The following WDFY3 variants were observed in gnomAD, a reference collection of about 807,000 sequenced individuals.
WDFY3 encodes the protein WD repeat and FYVE domain containing 3, also known as WD repeat and FYVE domain-containing protein 3.
Under a neutral mutation model 409.6 loss-of-function variants are expected in WDFY3, and 66 were observed. The ratio of observed to expected loss-of-function variants is 0.16; its 90% confidence interval spans 0.13 to 0.20. The LOEUF (loss-of-function observed/expected upper bound fraction) is 0.20. WDFY3 is among the 10% of genes least tolerant of loss of function. The pLI is 1.00. For synonymous variants in WDFY3, 1,521 were observed against 1,537.1 expected, an observed-to-expected ratio of 0.99 and a Z score of 0.25; for missense variants, 3,031 against 4,298.1, an observed-to-expected ratio of 0.71 and a Z score of 8.24.
chr4:84,910,833 G>C (rs1767666309), intron 2 of WDFY3, among the ~76,000 whole-genome samples: 1 of 151,846 alleles, frequency 6.6e-6, no homozygotes, highest in African/African-American at 2.4e-5. Context: ...AGCCTCCCAA[G>C]TAGCTGGGAT....
chr4:84,778,683 T>C, intron 26 of WDFY3, 28 bp from the exon 27 acceptor site: 1 of 1,593,396 alleles, frequency 6.3e-7, no homozygotes, highest in African/African-American at 1.3e-5. Context: ...CAAATGCCTG[T>C]TGATAAATCA....
At chr4:84,938,686 A>G (rs940755169) in intron 1 of WDFY3, among the ~76,000 whole-genome samples, 8 of 152,204 alleles carry the variant, frequency 5.3e-5, no homozygotes, top group African/African-American at 1.9e-4. Context: ...TTCCAAACTT[A>G]CAGAAAAGTT....
chr4:84,818,319 T>G (rs552222191), intron 12 of WDFY3, among the ~76,000 whole-genome samples: 1 of 152,254 alleles, frequency 6.6e-6, no homozygotes, highest in Admixed American at 6.5e-5. Flanking sequence ...ATGGGCCCAG[T>G]GACTGAAATC....
At chr4:84,908,777 T>A (rs1767378502) in intron 2 of WDFY3, among the ~76,000 whole-genome samples, 2 of 152,172 alleles carry the variant, frequency 1.3e-5, no homozygotes, top group African/African-American at 2.4e-5. Context: ...CAACACATTG[T>A]CCTTATCTAG....
chr4:84,939,356 G>C (rs77628927), intron 1 of WDFY3, among the ~76,000 whole-genome samples: 1 of 152,102 alleles, frequency 6.6e-6, no homozygotes, highest in African/African-American at 2.4e-5. Flanking sequence ...TTGTTGGATC[G>C]CACCAATGCA....
intron 10 of WDFY3, among the ~76,000 whole-genome samples, chr4:84,822,284 T>C (rs1754186510): frequency 1.3e-5 from 2 of 152,106 alleles, no homozygotes; most frequent in Non-Finnish European, 2.9e-5. Context: ...CCCAGAACAA[T>C]ACCTATTAGG....
chr4:84,863,186 G>C (rs1358862254), intron 3 of WDFY3, among the ~76,000 whole-genome samples: 1 of 152,204 alleles, frequency 6.6e-6, no homozygotes, highest in African/African-American at 2.4e-5. Context: ...ACAAACATGG[G>C]AGTGCAGGCA....
intron 56 of WDFY3, 30 bp from the exon 57 acceptor site, chr4:84,696,853 A>G (rs1172574274): frequency 6.3e-7 from 1 of 1,578,098 alleles, no homozygotes; most frequent in Admixed American, 1.7e-5. Flanking sequence ...AAAAATAAAA[A>G]AAAAGAAAGA....
Position 84,794,839 on chromosome 4 carries a change from T to C in WDFY3, c.3268+40A>G, listed in dbSNP as rs760709301. 1.8e-5 allele frequency: 27 copies of C among 1,536,112 alleles called. 1 individual carries two copies. In the South Asian group the frequency reaches 3.3e-4, roughly 19 times the overall value. ...AAACTCTAAATTATATATAATCTAC[T>C]AGAAAAAAAACTCATAAGCAGAAAG... On this transcript the variant is annotated intron_variant, in intron 20 of 67. Transcript: ENST00000295888.
chr4:84,673,139 G>A, intron 67 of WDFY3, 148 bp from the exon 68 acceptor site: 1 of 1,005,056 alleles, frequency 9.9e-7, no homozygotes, highest in Non-Finnish European at 1.4e-6. Flanking sequence ...GGACTAAAAG[G>A]AAAGCTGTAT....
intron 6 of WDFY3, among the ~76,000 whole-genome samples, chr4:84,837,644 A>G (rs961621825): frequency 4.6e-5 from 7 of 152,184 alleles, no homozygotes; most frequent in African/African-American, 1.7e-4. Flanking sequence ...ATACATCTCT[A>G]TATTATTTTC....
intron 13 of WDFY3, among the ~76,000 whole-genome samples, chr4:84,810,846 T>C (rs1227278212): frequency 2.0e-5 from 3 of 152,218 alleles, no homozygotes; most frequent in East Asian, 3.9e-4. Flanking sequence ...GAAGACTTAT[T>C]AAACATTCTC....
chr4:84,936,888 T>C lies in WDFY3; in HGVS notation c.-225-4525A>G, dbSNP rs540220154. ...AACCCCTCTACTTTGCTACTAGATGTTACATGCCTAGAACACCAATGTCAT... is the reference window on the plus strand; with the variant it reads ...AACCCCTCTACTTTGCTACTAGATGCTACATGCCTAGAACACCAATGTCAT... On this transcript the variant is annotated intron_variant, in intron 1 of 67. Transcript: ENST00000295888. 1.4e-3 allele frequency among the ~76,000 whole-genome samples: 217 copies of C among 152,170 alleles called. 1 individual carries two copies. Among genetic ancestry groups the C allele is most frequent in the African/African-American group, 5.0e-3 (208 of 41,520 alleles).
intron 50 of WDFY3, among the ~76,000 whole-genome samples, chr4:84,713,895 G>A (rs1733368785): frequency 6.6e-6 from 1 of 152,134 alleles, no homozygotes. Context: ...GAGGCGGGCA[G>A]ATCATGAGGT....
intron 3 of WDFY3, among the ~76,000 whole-genome samples, chr4:84,889,918 T>C (rs189766185): frequency 2.0e-5 from 3 of 152,160 alleles, no homozygotes; most frequent in Non-Finnish European, 4.4e-5. Context: ...TCCAAATTCT[T>C]ATAGCCAGTA....
intron 1 of WDFY3, among the ~76,000 whole-genome samples, chr4:84,942,646 G>A (rs1772289385): frequency 6.6e-6 from 1 of 152,174 alleles, no homozygotes; most frequent in Admixed American, 6.5e-5. Flanking sequence ...GAAACTTCTA[G>A]TTGCTGCATA....
intron 2 of WDFY3, among the ~76,000 whole-genome samples, chr4:84,920,475 C>T (rs1769129459): frequency 6.6e-6 from 1 of 152,044 alleles, no homozygotes; most frequent in Non-Finnish European, 1.5e-5. Flanking sequence ...CAAATATATA[C>T]ATATAAACAT....
Position 84,677,290 on chromosome 4 carries a change from C to T in WDFY3, c.10366G>A (p.Gly3456Ser). 1 of 1,614,222 alleles carries T rather than the reference C, an allele frequency of 6.2e-7. No individual in the cohort carries two copies. The highest frequency in any genetic ancestry group is 8.5e-7 in the Non-Finnish European group (1 of 1,180,038). Residue 3456 changes from glycine (G) to serine (S), a missense_variant, in exon 67 of 68, where the codon GGT (glycine) becomes AGT (serine). Transcript: ENST00000295888. The stretch of plus-strand genomic sequence containing the variant: ...GAGCAGCCTGAGCAGCTGTCACCAC[C>T]TTCATCCTTCACCCAGTGATCAGCA... ...SAADHWVKDE[G>S]GDSCSGCSVR...
intron 7 of WDFY3, among the ~76,000 whole-genome samples, chr4:84,832,579 C>T (rs182172632): frequency 6.6e-6 from 1 of 152,002 alleles, no homozygotes; most frequent in Non-Finnish European, 1.5e-5. Flanking sequence ...ATTGTATACA[C>T]AAAAATTATT....
Sources: allele counts gnomAD v4.1 joint callset (sites outside exome capture counted in the v4.1 genomes callset), GRCh38; gene constraint gnomAD v4.1.1; transcripts MANE v1.5; gene names NCBI Gene and HGNC (gene_info 2026-07-23, HGNC 2026-07-21).